ITGA4: variants seen among roughly 807,000 people sequenced by gnomAD.
The protein encoded by ITGA4 is integrin subunit alpha 4.
A neutral mutation model predicts 133.6 loss-of-function variants in ITGA4; 63 were observed. That is an observed-to-expected ratio of 0.47 (90% CI 0.38 to 0.58). The LOEUF (loss-of-function observed/expected upper bound fraction) is 0.58. Among genes scored for constraint, ITGA4 ranks in the 20% least tolerant of loss-of-function variants. The probability of loss-of-function intolerance (pLI) is 0.00; values close to 1 mark genes in which losing one functional copy is unlikely to be tolerated. For missense variants in ITGA4, 1,076 were observed against 1,252.7 expected, an observed-to-expected ratio of 0.86 and a Z score of 2.13; for synonymous variants, 483 against 438.0, an observed-to-expected ratio of 1.10 and a Z score of -1.28.
In ITGA4 at chr2:181,530,638, AAG is replaced by A; in HGVS notation, c.2656_2657del (p.Arg886AlafsTer8). The A allele has an allele frequency of 6.2e-7, 1 of 1,611,228 alleles. No individual in the cohort carries two copies. Among genetic ancestry groups the A allele is most frequent in the Non-Finnish European group, 8.5e-7 (1 of 1,178,248 alleles). On this transcript the variant is annotated frameshift_variant, in exon 24 of 28. Coordinates refer to ENST00000397033, the MANE Select transcript of ITGA4 (RefSeq NM_000885.6). LOFTEE classifies it high-confidence loss of function. ...AGTCCGGTTCTTGTCCAAGACTGAT[AAG>A]AGGCTATTGGTAAGTTTCAGTTTTT... ...GIVRFLSKTD[K>X]RLLYCIKADP...
At chr2:181,533,424 C>G (rs1017952984) in intron 25 of ITGA4, among the ~76,000 whole-genome samples, 20 of 152,214 alleles carry the variant, frequency 1.3e-4, no homozygotes, top group African/African-American at 4.6e-4. Context: ...ATCTTTTTCT[C>G]TAGGTCTAGG....
intron 2 of ITGA4, among the ~76,000 whole-genome samples, chr2:181,474,545 A>G (rs894672568): frequency 6.6e-6 from 1 of 152,220 alleles, no homozygotes; most frequent in Admixed American, 6.5e-5. Flanking sequence ...TAGTCTTTCT[A>G]TTCTTAATAT....
chr2:181,523,383 A>G lies in ITGA4; in HGVS notation c.2074-54A>G. The G allele has an allele frequency of 9.6e-7, 1 of 1,045,268 alleles. No individual in the cohort carries two copies. Among genetic ancestry groups the G allele is most frequent in the South Asian group, 1.3e-5 (1 of 78,568 alleles). 64.7% of individuals were successfully genotyped at this position (1,045,268 alleles called of 1,614,324 possible). On this transcript the variant is annotated intron_variant, in intron 18 of 27. Coordinates refer to ENST00000397033, the MANE Select transcript of ITGA4 (RefSeq NM_000885.6). This position sits in a 1 kb window ranked among gnomAD's most constrained non-coding sequence, Gnocchi z 4.2. ...CAATAACCATCCTTAAACATATGTT[A>G]CAAACTTTTTATTTCCTTCCTGTCC...
Position 181,457,534 on chromosome 2 carries a change from C to T in ITGA4, c.-121C>T. Reference sequence around the variant, plus strand: ...TTCCCTCTCTCCTTCCTTTAGCCCGCTGGCGCCGGACACGCTGCGCCTCAT... The same window carrying T: ...TTCCCTCTCTCCTTCCTTTAGCCCGTTGGCGCCGGACACGCTGCGCCTCAT... On this transcript the variant is annotated 5_prime_UTR_variant, in exon 1 of 28. Coordinates refer to ENST00000397033, the MANE Select transcript of ITGA4 (RefSeq NM_000885.6). 1 of 931,816 alleles carries T rather than the reference C, an allele frequency of 1.1e-6. No individual in the cohort carries two copies. Among genetic ancestry groups the T allele is most frequent in the South Asian group, 1.6e-5 (1 of 61,026 alleles). The allele number at this position is 931,816 out of a possible 1,614,324, so 57.7% of individuals were successfully genotyped here. A position where few individuals can be genotyped will look rare whatever the true frequency, so the allele number is the denominator to read the frequency against.
chr2:181,507,079 A>G (rs16867436), intron 15 of ITGA4, among the ~76,000 whole-genome samples: 4,983 of 152,240 alleles, frequency 0.033, 262 homozygotes, highest in African/African-American at 0.11. Context: ...TATGAAAAGT[A>G]GAGTCAAAAA....
In ITGA4 at chr2:181,457,861, G is replaced by A. The variant is rs1685165512; in HGVS notation, c.197+10G>A. 1.2e-6 allele frequency: 2 copies of A among 1,604,868 alleles called. No homozygotes were observed. The highest frequency in any genetic ancestry group is 1.7e-6 in the Non-Finnish European group (2 of 1,174,356). On this transcript the variant is annotated intron_variant, in intron 1 of 27. Transcript: ENST00000397033. ...ACGGGGCGAACCGATGGTGAGTAGA[G>A]TTGGACTGATGCGCCCTCAGCAGCT...
chr2:181,522,520 C>T (rs141289755), intron 18 of ITGA4, among the ~76,000 whole-genome samples, 179 bp downstream of exon 18: 2 of 152,250 alleles, frequency 1.3e-5, no homozygotes, highest in African/African-American at 4.8e-5. Context: ...GGTCTTAAGT[C>T]CAAAGGCATC....
chr2:181,501,964 A>AGAG (rs1260047658), intron 15 of ITGA4, among the ~76,000 whole-genome samples: 2 of 152,104 alleles, frequency 1.3e-5, no homozygotes, highest in African/African-American at 4.8e-5. Context: ...TGAGATCAGA[A>AGAG]GAGGGCCACC....
chr2:181,515,985 C>G (rs1686597411), intron 17 of ITGA4, among the ~76,000 whole-genome samples: 1 of 121,448 alleles, frequency 8.2e-6, no homozygotes, highest in African/African-American at 3.1e-5. Flanking sequence ...GTACGCTAAA[C>G]AGTGCTTATC....
chr2:181,519,403 G>A (rs1686672813), intron 17 of ITGA4, among the ~76,000 whole-genome samples: 1 of 152,006 alleles, frequency 6.6e-6, no homozygotes, highest in Non-Finnish European at 1.5e-5. Flanking sequence ...AAAATATTGA[G>A]CTGTACAATC....
chr2:181,478,518 A>G (rs1438555510), intron 4 of ITGA4, among the ~76,000 whole-genome samples: 1 of 152,016 alleles, frequency 6.6e-6, no homozygotes, highest in African/African-American at 2.4e-5. Flanking sequence ...AAATTTTTTG[A>G]GTATATGCTG....
intron 10 of ITGA4, among the ~76,000 whole-genome samples, chr2:181,490,167 T>C (rs1175703655): frequency 2.6e-5 from 4 of 152,202 alleles, no homozygotes; most frequent in Non-Finnish European, 5.9e-5. Flanking sequence ...GGTCGATCTA[T>C]AACTACCAGG....
At chr2:181,512,518 TGGA>T (rs936878659) in intron 17 of ITGA4, among the ~76,000 whole-genome samples, 3 of 152,056 alleles carry the variant, frequency 2.0e-5, no homozygotes, top group African/African-American at 4.8e-5. Flanking sequence ...GATCAAATCT[TGGA>T]GGACAGTTTT....
chr2:181,536,842 T>TCATAAGAGAG lies in ITGA4; in HGVS notation c.*1317_*1326dup, dbSNP rs1559062249. The TCATAAGAGAG allele has an allele frequency of 2.4e-6, 1 of 413,242 alleles. No homozygotes were observed. The highest frequency in any genetic ancestry group is 7.3e-5 in the East Asian group (1 of 13,708). The allele number at this position is 413,242 out of a possible 1,614,324, so 25.6% of individuals were successfully genotyped here. ...AATATCATTTTATCTGACTCTGCCT[T>TCATAAGAGAG]CATAAGAGAGCTGTGGCCGAATTTT... On this transcript the variant is annotated 3_prime_UTR_variant, in exon 28 of 28. Transcript: ENST00000397033.
intron 2 of ITGA4, among the ~76,000 whole-genome samples, chr2:181,460,569 G>A (rs73974899): frequency 0.33 from 42,805 of 131,182 alleles, 7,167 homozygotes; most frequent in Non-Finnish European, 0.4. Context: ...GTAGAAGAGT[G>A]TGTGTGTGTG....
intron 4 of ITGA4, among the ~76,000 whole-genome samples, chr2:181,477,910 G>A (rs967296477): frequency 6.6e-6 from 1 of 152,002 alleles, no homozygotes; most frequent in Non-Finnish European, 1.5e-5. Context: ...CATTGCAGCA[G>A]CATTCACAAT....
intron 17 of ITGA4, among the ~76,000 whole-genome samples, chr2:181,517,651 T>C (rs1334327159): frequency 6.6e-6 from 1 of 152,094 alleles, no homozygotes; most frequent in African/African-American, 2.4e-5. Context: ...TAGGTATCTT[T>C]CTGAGAGCAT....
intron 2 of ITGA4, among the ~76,000 whole-genome samples, chr2:181,470,065 A>G (rs1477802364): frequency 6.6e-6 from 1 of 152,000 alleles, no homozygotes; most frequent in Non-Finnish European, 1.5e-5. Flanking sequence ...AAAGTATAAT[A>G]ATAAAAAAAA....
chr2:181,475,433 C>A (rs1685653091), intron 4 of ITGA4, 145 bp downstream of exon 4: 2 of 686,496 alleles, frequency 2.9e-6, no homozygotes, highest in Admixed American at 3.0e-5. Context: ...CAATTTCTTT[C>A]TTTACCCAAT....
Sources: gnomAD v4.1 joint callset for allele counts (sites outside exome capture counted in the v4.1 genomes callset) on GRCh38, gnomAD v4.1.1 for gene constraint, Gnocchi (gnomAD v3.1) non-coding constraint, MANE v1.5 for transcripts, NCBI Gene and HGNC (gene_info 2026-07-23, HGNC 2026-07-21) for gene names.